Variants in RBL1 observed in about 807,000 individuals in gnomAD.
RBL1 encodes the protein RB transcriptional corepressor like 1, also known as retinoblastoma-like protein 1.
A neutral mutation model predicts 123.0 loss-of-function variants in RBL1; 82 were observed. That is an observed-to-expected ratio of 0.67 (90% CI 0.56 to 0.80). The LOEUF is 0.80. Among genes scored for constraint, RBL1 ranks in the 30% least tolerant of loss-of-function variants. RBL1 has a pLI of 0.00. For missense variants in RBL1, 1,171 were observed against 1,299.6 expected (o/e 0.90, Z 1.52); for synonymous variants, 405 against 441.3 (o/e 0.92, Z 1.03).
At chr20:37,005,974 C>A (rs757091926) in intron 20 of RBL1, among the ~76,000 whole-genome samples, 32 of 138,042 alleles carry the variant, frequency 2.3e-4, no homozygotes, top group Non-Finnish European at 6.0e-5. Flanking sequence ...TGGCTCATTG[C>A]AGCCTTGACC....
intron 7 of RBL1, among the ~76,000 whole-genome samples, chr20:37,064,966 C>T (rs1408380787): frequency 6.7e-6 from 1 of 148,738 alleles, no homozygotes; most frequent in Non-Finnish European, 1.5e-5. Flanking sequence ...GGGTCTCACT[C>T]TGTCACCTAG....
chr20:37,046,416 T>C (rs1176003720), intron 12 of RBL1, among the ~76,000 whole-genome samples: 1 of 152,010 alleles, frequency 6.6e-6, no homozygotes. Context: ...TTTTTTTCTT[T>C]GAAACAGGGT....
intron 19 of RBL1, among the ~76,000 whole-genome samples, chr20:37,017,547 G>A (rs538018407): frequency 6.6e-6 from 1 of 151,932 alleles, no homozygotes; most frequent in Admixed American, 6.6e-5. Flanking sequence ...GCATGATGGT[G>A]GCAAGAGGGT....
intron 2 of RBL1, among the ~76,000 whole-genome samples, chr20:37,085,675 A>T: frequency 2.0e-5 from 2 of 98,008 alleles, no homozygotes; most frequent in Admixed American, 1.4e-4. Context: ...TTTTTTTGAG[A>T]CGGAGTCTCA....
intron 20 of RBL1, among the ~76,000 whole-genome samples, chr20:37,005,127 G>C (rs752396125): frequency 4.6e-5 from 7 of 152,066 alleles, no homozygotes; most frequent in Non-Finnish European, 8.8e-5. Context: ...AGTAAGGACA[G>C]GCTGGGCGCG....
intron 21 of RBL1, among the ~76,000 whole-genome samples, chr20:36,999,837 C>T (rs6130298): frequency 0.079 from 12,050 of 152,116 alleles, 594 homozygotes; most frequent in East Asian, 0.21. Flanking sequence ...GATCTCGGCT[C>T]GCTACAACCT....
Position 36,998,907 on chromosome 20 carries a change from ATGT to A in RBL1, c.3056_3058del (p.Asn1019del), listed in dbSNP as rs2063919112. 1.9e-6 allele frequency: 3 copies of A among 1,613,074 alleles called. No individual in the cohort carries two copies. The highest frequency in any genetic ancestry group is 1.3e-5 in the African/African-American group (1 of 74,880). On this transcript the variant is annotated inframe_deletion, in exon 22 of 22. Transcript: ENST00000373664. ...GGTTCTCTGCTCACCTTGCCTTATC[ATGT>A]TGTTGATATCTTTCAAACTCTGTGC...
In RBL1 at chr20:37,032,810, T is replaced by G; in HGVS notation, c.2237A>C (p.Lys746Thr). ...AGTAAGTGATACAGGACTCTTGACT[T>G]TGGACTCCTGATTTGTATTCATGGA... is the stretch of plus-strand genomic sequence containing the variant. ...PLSMNTNQESKVKSPVSLTAH... is the reference protein window; with the variant it reads ...PLSMNTNQESTVKSPVSLTAH... The change falls in exon 16 of 22, where the codon AAA (lysine) becomes ACA (threonine). Residue 746 changes from lysine to threonine, a missense_variant. By Grantham distance (78) the Lys-to-Thr change is moderately conservative. Transcript: ENST00000373664. 1 of 1,614,050 alleles carries G rather than the reference T, an allele frequency of 6.2e-7. No individual in the cohort carries two copies. Among genetic ancestry groups the G allele is most frequent in the South Asian group, 1.1e-5 (1 of 91,080 alleles).
intron 1 of RBL1, among the ~76,000 whole-genome samples, chr20:37,094,010 T>C (rs1279993133): frequency 6.6e-6 from 1 of 152,106 alleles, no homozygotes; most frequent in Non-Finnish European, 1.5e-5. Context: ...ATTGAAGATG[T>C]CCTATTCAAC....
chr20:37,071,300 A>C (rs1423457222), intron 2 of RBL1, among the ~76,000 whole-genome samples: 1 of 152,158 alleles, frequency 6.6e-6, no homozygotes, highest in Non-Finnish European at 1.5e-5. Context: ...ATTAATAGCA[A>C]ATCATCCAAA....
chr20:37,062,031 C>T, intron 8 of RBL1, 53 bp downstream of exon 8: 2 of 1,518,542 alleles, frequency 1.3e-6, no homozygotes. Flanking sequence ...AGTAGAATCA[C>T]ACACAGAGAG....
At chr20:37,073,556 G>A (rs2065314230) in intron 2 of RBL1, among the ~76,000 whole-genome samples, 1 of 151,596 alleles carries the variant, frequency 6.6e-6, no homozygotes, top group Non-Finnish European at 1.5e-5. Flanking sequence ...AAATTAGCTA[G>A]ACTTGGTAGT....
chr20:37,043,231 C>G (rs970198470), intron 13 of RBL1, among the ~76,000 whole-genome samples: 1 of 151,098 alleles, frequency 6.6e-6, no homozygotes, highest in African/African-American at 2.4e-5. Flanking sequence ...CCTCTAGCCT[C>G]TAATCCCAGC....
intron 21 of RBL1, chr20:37,003,451 A>T: frequency 1.5e-6 from 1 of 664,958 alleles, no homozygotes; most frequent in Non-Finnish European, 2.0e-6. Flanking sequence ...TCCCTTCTCA[A>T]GATCTTGCTT....
rs146015204 is a variant in RBL1, at chr20:37,062,107, T to C, written c.1060A>G (p.Asn354Asp). Reference sequence around the variant, plus strand: ...ACTTTTTCAAAGTGCTGTTGAAGGTTATACTCCACATTAGCCTGTGCTGTC... The same window carrying C: ...ACTTTTTCAAAGTGCTGTTGAAGGTCATACTCCACATTAGCCTGTGCTGTC... ...KLTAQANVEY[N>D]LQQHFEKKRS... Residue 354 changes from asparagine to aspartate, a missense_variant, in exon 8 of 22, where the codon AAC (asparagine) becomes GAC (aspartate). Physicochemically the swap from Asn to Asp is conservative, Grantham distance 23. Coordinates refer to ENST00000373664, the MANE Select transcript of RBL1 (RefSeq NM_002895.5). 5.0e-6 allele frequency: 8 copies of C among 1,613,958 alleles called. No homozygotes were observed. In the African/African-American group the frequency reaches 9.3e-5, roughly 19 times the overall value.
chr20:37,027,401 G>C (rs1336170279), intron 16 of RBL1, among the ~76,000 whole-genome samples: 1 of 152,128 alleles, frequency 6.6e-6, no homozygotes, highest in Non-Finnish European at 1.5e-5. Context: ...TGTAGACCCA[G>C]GTACTCGGAG....
chr20:37,085,647 ATTTT>A (rs1202673380), intron 2 of RBL1, among the ~76,000 whole-genome samples: 1 of 84,604 alleles, frequency 1.2e-5, no homozygotes, highest in Admixed American at 1.6e-4. Flanking sequence ...TTGAAATTTG[ATTTT>A]TTTTTTTTTT....
intron 2 of RBL1, among the ~76,000 whole-genome samples, chr20:37,071,688 G>A (rs573134283): frequency 1.3e-5 from 2 of 152,264 alleles, no homozygotes; most frequent in Admixed American, 1.3e-4. Flanking sequence ...TGTTGGAGGT[G>A]GGCCTAGTGG....
intron 11 of RBL1, chr20:37,049,348 A>G: frequency 1.4e-6 from 1 of 692,624 alleles, no homozygotes. Flanking sequence ...AAGATCCAGG[A>G]TAAGGAAGGA....
Sources: allele counts gnomAD v4.1 joint callset (sites outside exome capture counted in the v4.1 genomes callset), GRCh38; gene constraint gnomAD v4.1.1; transcripts MANE v1.5; gene names NCBI Gene and HGNC (gene_info 2026-07-23, HGNC 2026-07-21).